The following NELL2 variants were observed in gnomAD, a reference collection of about 807,000 sequenced individuals.
The protein encoded by NELL2 is protein kinase C-binding protein NELL2.
In NELL2, 41 loss-of-function variants were observed where a neutral mutation model predicts 109.6. The ratio of observed to expected loss-of-function variants is 0.37; its 90% CI spans 0.29 to 0.49. NELL2 has a LOEUF of 0.49. Ranked by LOEUF, NELL2 falls within the 20% of genes least tolerant of loss-of-function variation. The pLI, the probability that NELL2 is intolerant of heterozygous loss-of-function variation, is 0.98. For synonymous variants in NELL2, 355 were observed against 344.7 expected, an observed-to-expected ratio of 1.03 and a Z score of -0.33; for missense variants, 900 against 1,008.3, an observed-to-expected ratio of 0.89 and a Z score of 1.45.
chr12:44,880,478 G>T (rs115073602), upstream of NELL2, among the ~76,000 whole-genome samples: 746 of 151,938 alleles, frequency 4.9e-3, 18 homozygotes, highest in African/African-American at 0.017. Flanking sequence ...TGCCAAGACC[G>T]ATAAAAAGAA....
At chr12:44,624,933 GTGAA>G (rs1235999539) in intron 13 of NELL2, among the ~76,000 whole-genome samples, 1 of 149,024 alleles carries the variant, frequency 6.7e-6, no homozygotes, top group Non-Finnish European at 1.5e-5. Context: ...GAATCATAAT[GTGAA>G]ACTCTTGAGA....
intron 1 of NELL2, among the ~76,000 whole-genome samples, chr12:44,907,021 T>C (rs1188468269): frequency 6.6e-6 from 1 of 152,058 alleles, no homozygotes; most frequent in Non-Finnish European, 1.5e-5. Context: ...CATGCTGTCC[T>C]GATGATAGTG....
chr12:44,687,764 C>T (rs1741377687), intron 12 of NELL2, among the ~76,000 whole-genome samples: 2 of 152,132 alleles, frequency 1.3e-5, no homozygotes, highest in South Asian at 2.1e-4. Context: ...GCATACCTGA[C>T]CTTAAACTTA....
chr12:44,654,083 G>C (rs1334381755), intron 13 of NELL2, among the ~76,000 whole-genome samples: 1 of 152,162 alleles, frequency 6.6e-6, no homozygotes, highest in Non-Finnish European at 1.5e-5. Context: ...GTTTCAGCCA[G>C]ATGACTCACT....
intron 3 of NELL2, 126 bp downstream of exon 3, chr12:44,815,860 G>C: frequency 1.0e-6 from 1 of 1,000,488 alleles, no homozygotes; most frequent in Non-Finnish European, 1.4e-6. Context: ...CTCGTGATTT[G>C]CCCACCTCGG....
chr12:44,761,068 A>G (rs1171076517), intron 9 of NELL2, among the ~76,000 whole-genome samples: 1 of 152,228 alleles, frequency 6.6e-6, no homozygotes, highest in Non-Finnish European at 1.5e-5. Context: ...TTATTTCATA[A>G]AACAAATACA....
chr12:44,577,419 T>G, intron 15 of NELL2, among the ~76,000 whole-genome samples: 1 of 147,984 alleles, frequency 6.8e-6, no homozygotes, highest in Non-Finnish European at 1.5e-5. Context: ...TAAATTTGTT[T>G]GAGTTCATTG....
At chr12:44,785,368 G>C (rs1241306869) in intron 3 of NELL2, among the ~76,000 whole-genome samples, 1 of 151,626 alleles carries the variant, frequency 6.6e-6, no homozygotes, top group African/African-American at 2.4e-5. Flanking sequence ...ACCAATGCTG[G>C]AAATAAGAGA....
intron 2 of NELL2, among the ~76,000 whole-genome samples, chr12:44,844,380 G>A (rs1458671168): frequency 2.0e-5 from 3 of 152,214 alleles, no homozygotes; most frequent in Non-Finnish European, 1.5e-5. Context: ...AACTTCAGAT[G>A]TATAACAACA....
chr12:44,739,210 C>T (rs1032707989), intron 9 of NELL2, among the ~76,000 whole-genome samples: 2 of 151,972 alleles, frequency 1.3e-5, no homozygotes, highest in African/African-American at 2.4e-5. Context: ...TGCAATAATT[C>T]GTGTGTGTGT....
intron 3 of NELL2, among the ~76,000 whole-genome samples, chr12:44,784,506 A>G (rs1330007284): frequency 6.6e-6 from 1 of 152,200 alleles, no homozygotes; most frequent in East Asian, 1.9e-4. Flanking sequence ...AAGGAAAAGA[A>G]GGACTCCTCC....
intron 9 of NELL2, among the ~76,000 whole-genome samples, chr12:44,774,162 AG>A (rs1373349985): frequency 6.6e-6 from 1 of 152,244 alleles, no homozygotes; most frequent in Non-Finnish European, 1.5e-5. Context: ...AACCCAGTTA[AG>A]GGTAGTTACA....
At chr12:44,532,555 A>T (rs367884703) in intron 16 of NELL2, 26 bp downstream of exon 16, 6 of 1,600,220 alleles carry the variant, frequency 3.7e-6, no homozygotes, top group Non-Finnish European at 4.3e-6. Context: ...AAGTTCTTAA[A>T]TTCTAGGTCT....
chr12:44,786,716 G>T (rs1942186895), intron 3 of NELL2, among the ~76,000 whole-genome samples: 1 of 152,264 alleles, frequency 6.6e-6, no homozygotes, highest in Non-Finnish European at 1.5e-5. Flanking sequence ...ATGAGTTCTT[G>T]TCCTTTGCAG....
intron 13 of NELL2, among the ~76,000 whole-genome samples, chr12:44,612,016 A>G (rs1013962204): frequency 6.6e-6 from 1 of 152,096 alleles, no homozygotes; most frequent in African/African-American, 2.4e-5. Context: ...TTAATAAATT[A>G]CATTGATTGA....
At chr12:44,869,492 C>A (rs897937846) in intron 2 of NELL2, among the ~76,000 whole-genome samples, 3 of 152,260 alleles carry the variant, frequency 2.0e-5, no homozygotes, top group South Asian at 2.1e-4. Context: ...TCATTTTATT[C>A]TCTCACTGAT....
At chr12:44,553,361 G>T (rs571075512) in intron 15 of NELL2, among the ~76,000 whole-genome samples, 1 of 151,458 alleles carries the variant, frequency 6.6e-6, no homozygotes, top group East Asian at 1.9e-4. Flanking sequence ...TTGACCCTAA[G>T]AAAGTAGATT....
chr12:44,877,017 G>T (rs549633847), upstream of NELL2: 10 of 457,792 alleles, frequency 2.2e-5, no homozygotes, highest in African/African-American at 1.2e-4. Context: ...GAACCCGCGC[G>T]CCCCCTGCCA....
intron 12 of NELL2, among the ~76,000 whole-genome samples, chr12:44,683,629 AG>A (rs1183869905): frequency 3.3e-5 from 5 of 152,034 alleles, no homozygotes; most frequent in East Asian, 1.9e-4. Flanking sequence ...TTTAGCATGA[AG>A]GGTTGCTGAA....
Sources: gnomAD v4.1 joint callset for allele counts (sites outside exome capture counted in the v4.1 genomes callset) on GRCh38, gnomAD v4.1.1 for gene constraint, MANE v1.5 for transcripts, NCBI Gene and HGNC (gene_info 2026-07-23, HGNC 2026-07-21) for gene names.